MYO9A: variants seen among roughly 807,000 people sequenced by gnomAD.
MYO9A encodes myosin IXA.
MYO9A carries 103 observed loss-of-function variants against 293.3 expected under a neutral mutation model. That is an observed-to-expected ratio of 0.35 (90% CI 0.30 to 0.41). The LOEUF is 0.41. Ranked by LOEUF, MYO9A falls within the 10% of genes least tolerant of loss-of-function variation. MYO9A has a pLI of 1.00. For missense variants in MYO9A, 2,685 were observed against 3,033.0 expected (o/e 0.89, Z 2.69); for synonymous variants, 1,001 against 1,035.7 (o/e 0.97, Z 0.64).
At chr15:71,878,310 G>T (rs901636286) in intron 30 of MYO9A, 79 bp from the exon 31 acceptor site, 4 of 979,516 alleles carry the variant, frequency 4.1e-6, no homozygotes, top group Non-Finnish European at 5.7e-6. Context: ...ACTTGTAATG[G>T]GGTAGTATTT....
chr15:72,010,394 T>C lies in MYO9A; in HGVS notation c.1209A>G (p.Gln403=), dbSNP rs150956821. The change falls in exon 7 of 42, where the codon CAA becomes CAG. Residue 403 remains glutamine (Q), a synonymous_variant. Coordinates refer to ENST00000356056, the MANE Select transcript of MYO9A (RefSeq NM_006901.4). The part of the protein sequence containing the change: ...EDLRHDFERL[Q]LAMEMVGFLP... ...GAAATCCTACCATTTCCATGGCAAG[T>C]TGTAGGCGCTCAAAGTCATGTCTCA... 6.9e-5 allele frequency: 111 copies of C among 1,613,616 alleles called. No individual in the cohort carries two copies. The African/African-American group carries it at 1.4e-3, about 20-fold the overall frequency.
intron 3 of MYO9A, among the ~76,000 whole-genome samples, chr15:72,032,019 G>A (rs2077887791): frequency 1.3e-5 from 2 of 152,062 alleles, no homozygotes; most frequent in Admixed American, 1.3e-4. Context: ...AGATTCTCCT[G>A]TCTCAGTTTC....
rs2081060788 is a variant in MYO9A, at chr15:72,117,904, CCCCG to C, written c.-300_-297del. The C allele has an allele frequency of 1.0e-5, 4 of 398,570 alleles. No individual in the cohort carries two copies. The East Asian group carries it at 1.4e-4, about 14-fold the overall frequency. The allele number at this position is 398,570 out of a possible 1,614,324, so 24.7% of individuals were successfully genotyped here. A position where few individuals can be genotyped will look rare whatever the true frequency, so the allele number is the denominator to read the frequency against. On this transcript the variant is annotated 5_prime_UTR_variant, in exon 1 of 42. Transcript: ENST00000356056. ...TCCGCCCGGCCTGAGCAGGCACATC[CCCCG>C]CCGCACCCCGCCCAGAGAGCACGCG...
At chr15:71,885,036 A>G (rs1292008080) in intron 27 of MYO9A, among the ~76,000 whole-genome samples, 1 of 151,666 alleles carries the variant, frequency 6.6e-6, no homozygotes, top group Non-Finnish European at 1.5e-5. Flanking sequence ...ATTGTTCTAC[A>G]AGACTAATTA....
At chr15:72,026,771 C>A (rs140736770) in intron 4 of MYO9A, among the ~76,000 whole-genome samples, 1 of 152,112 alleles carries the variant, frequency 6.6e-6, no homozygotes, top group African/African-American at 2.4e-5. Flanking sequence ...AACATTACTA[C>A]CAATCTTACA....
chr15:72,060,177 A>C (rs1014206274), intron 1 of MYO9A, among the ~76,000 whole-genome samples: 26 of 152,024 alleles, frequency 1.7e-4, no homozygotes, highest in Non-Finnish European at 2.1e-4. Flanking sequence ...TTATTTATTT[A>C]TTACTAGACC....
Position 71,983,702 on chromosome 15 carries a change from C to T in MYO9A, c.1723-5410G>A, listed in dbSNP as rs1215976297. On this transcript the variant is annotated intron_variant, in intron 11 of 41. Transcript: ENST00000356056. The stretch of plus-strand genomic sequence containing the variant: ...TTCACCATGTTGGCCAGGCTGGTCT[C>T]ACACTCCTGACCTCAGGTGATCCAC... Among the ~76,000 whole-genome samples, 8 of 151,448 alleles carry T rather than the reference C, an allele frequency of 5.3e-5. No individual in the cohort carries two copies. In the East Asian group the frequency reaches 1.5e-3, roughly 29 times the overall value.
intron 40 of MYO9A, 89 bp from the exon 41 acceptor site, chr15:71,828,115 T>G (rs565586747): frequency 1.4e-6 from 2 of 1,446,646 alleles, no homozygotes; most frequent in African/African-American, 2.9e-5. Flanking sequence ...AAGTCAGGAA[T>G]CTAAGAAGCA....
intron 8 of MYO9A, among the ~76,000 whole-genome samples, chr15:72,006,813 G>A (rs917595046): frequency 6.6e-6 from 1 of 152,206 alleles, no homozygotes; most frequent in Non-Finnish European, 1.5e-5. Context: ...AGTAATTTTG[G>A]AAATGAGTGA....
chr15:71,995,483 T>C (rs938258858), intron 9 of MYO9A, among the ~76,000 whole-genome samples: 1 of 152,074 alleles, frequency 6.6e-6, no homozygotes, highest in South Asian at 2.1e-4. Context: ...TTCTCAATAC[T>C]ATCTGCTCTA....
intron 35 of MYO9A, among the ~76,000 whole-genome samples, chr15:71,852,854 T>C (rs1259680279): frequency 6.6e-6 from 1 of 152,122 alleles, no homozygotes; most frequent in Non-Finnish European, 1.5e-5. Flanking sequence ...TCCCAGCACT[T>C]TGGGAGACTG....
intron 18 of MYO9A, among the ~76,000 whole-genome samples, chr15:71,925,314 CGTATATGTACATATATACGTATATGT>C (rs1345074418): frequency 4.4e-5 from 1 of 22,926 alleles, no homozygotes; most frequent in Non-Finnish European, 2.1e-4. Flanking sequence ...TACGTATATA[CGTATATGTACATATATACGTATATGT>C]ACATATATAC....
chr15:71,862,664 C>T, intron 32 of MYO9A, 53 bp from the exon 33 acceptor site: 1 of 1,210,926 alleles, frequency 8.3e-7, no homozygotes, highest in Non-Finnish European at 1.2e-6. Flanking sequence ...TAAATGCTGC[C>T]CTAACGTGGT....
intron 11 of MYO9A, among the ~76,000 whole-genome samples, chr15:71,987,831 T>C (rs2076443663): frequency 6.6e-6 from 1 of 152,162 alleles, no homozygotes; most frequent in South Asian, 2.1e-4. Context: ...ACCCATTTCA[T>C]ACCAGTTACC....
At chr15:71,966,265 A>AGTTTGTGTGTGTGTGTGTGTGT (rs1555493719) in intron 13 of MYO9A, among the ~76,000 whole-genome samples, 1 of 134,860 alleles carries the variant, frequency 7.4e-6, no homozygotes, top group African/African-American at 2.9e-5. Context: ...ATCCCAGGCA[A>AGTTTGTGTGTGTGTGTGTGTGT]GTGTGTGTGT....
Position 71,878,221 on chromosome 15 carries a change from CCAT to C in MYO9A, c.5747_5749del (p.Asp1916del), listed in dbSNP as rs1567222495. Reference sequence around the variant, plus strand: ...GAGGTCTTTATACCGTATGCTTTTCCCATCATCCATCTATAAGCAATAAGAAAA... The same window carrying C: ...GAGGTCTTTATACCGTATGCTTTTCCCATCCATCTATAAGCAATAAGAAAA... On this transcript the variant is annotated inframe_deletion, in exon 31 of 42. Transcript: ENST00000356056. 1 of 1,541,586 alleles carries C rather than the reference CCAT, an allele frequency of 6.5e-7. No homozygotes were observed. Among genetic ancestry groups the C allele is most frequent in the Non-Finnish European group, 8.7e-7 (1 of 1,149,002 alleles).
chr15:72,045,486 G>A, intron 2 of MYO9A: 1 of 312,210 alleles, frequency 3.2e-6, no homozygotes, highest in Non-Finnish European at 5.9e-6. Flanking sequence ...GGCTGGTCTG[G>A]AACTCCTGAC....
At position 71,880,191 on chromosome 15, in the gene MYO9A, T is replaced by C. The variant is rs183125229; in HGVS notation, c.5622+144A>G. 12 of 738,686 alleles carry C rather than the reference T, an allele frequency of 1.6e-5. No homozygotes were observed. The Admixed American group carries it at 3.3e-4, about 20-fold the overall frequency. The allele number at this position is 738,686 out of a possible 1,614,324, so 45.8% of individuals were successfully genotyped here. ...CCCAGTCTAACTAATGCATATCCTA[T>C]TATTCACACCTTTCTGGTAAAGAAC... is the stretch of plus-strand genomic sequence containing the variant. On this transcript the variant is annotated intron_variant, in intron 29 of 41. Transcript: ENST00000356056.
At chr15:71,831,759 G>T (rs1411154383) in intron 39 of MYO9A, among the ~76,000 whole-genome samples, 1 of 151,994 alleles carries the variant, frequency 6.6e-6, no homozygotes, top group Non-Finnish European at 1.5e-5. Context: ...AATAATCAAA[G>T]GTAACAGGCA....
Sources: allele counts gnomAD v4.1 joint callset (sites outside exome capture counted in the v4.1 genomes callset), GRCh38; gene constraint gnomAD v4.1.1; transcripts MANE v1.5; gene names NCBI Gene and HGNC (gene_info 2026-07-23, HGNC 2026-07-21).